Variants in NNT observed in about 807,000 individuals in gnomAD.
NNT encodes NAD(P) transhydrogenase, mitochondrial.
In NNT, 50 loss-of-function variants were observed where a neutral mutation model predicts 104.8. The observed-to-expected ratio is 0.48, with a 90% CI of 0.38 to 0.60. NNT has a LOEUF of 0.60. Among genes scored for constraint, NNT ranks in the 20% least tolerant of loss-of-function variants. NNT has a pLI of 0.00. For missense variants in NNT, 1,131 were observed against 1,330.7 expected, an observed-to-expected ratio of 0.85 and a Z score of 2.33; for synonymous variants, 461 against 490.4, an observed-to-expected ratio of 0.94 and a Z score of 0.79.
intron 2 of NNT, among the ~76,000 whole-genome samples, chr5:43,610,747 A>G (rs1165176232): frequency 6.6e-6 from 1 of 152,206 alleles, no homozygotes; most frequent in Non-Finnish European, 1.5e-5. Flanking sequence ...TTTCTTTTAA[A>G]TTGCTCTGGA....
At chr5:43,698,494 T>A (rs766758541) in intron 19 of NNT, among the ~76,000 whole-genome samples, 1 of 152,116 alleles carries the variant, frequency 6.6e-6, no homozygotes, top group African/African-American at 2.4e-5. Context: ...CAGATCTGGT[T>A]CCTGCCTTGG....
At position 43,612,771 on chromosome 5, in the gene NNT, T is replaced by C. The variant is rs912445345; in HGVS notation, c.152-137T>C. 9 of 622,772 alleles carry C rather than the reference T, an allele frequency of 1.4e-5. No homozygotes were observed. In the Admixed American group the frequency reaches 2.7e-4, roughly 18 times the overall value. The allele number at this position is 622,772 out of a possible 1,614,324, so 38.6% of individuals were successfully genotyped here. A position where few individuals can be genotyped will look rare whatever the true frequency, so the allele number is the denominator to read the frequency against. ...TTATAAGTATGAATCAGGAACATCA[T>C]TCTGAACAGCAGCTTGCATGTGTGG... On this transcript the variant is annotated intron_variant, in intron 2 of 21. Transcript: ENST00000344920.
intron 19 of NNT, among the ~76,000 whole-genome samples, chr5:43,694,421 A>G (rs1742446639): frequency 6.6e-6 from 1 of 152,190 alleles, no homozygotes; most frequent in Non-Finnish European, 1.5e-5. Flanking sequence ...TGGGTTTGTC[A>G]TAGATGGCTC....
In NNT at chr5:43,659,326, T is replaced by C. The variant is rs1300264022; in HGVS notation, c.2610T>C (p.Ala870=). 7.4e-6 allele frequency: 12 copies of C among 1,612,648 alleles called. No individual in the cohort carries two copies. The highest frequency in any genetic ancestry group is 1.0e-5 in the Non-Finnish European group (12 of 1,179,612). ...IVGALIGSSG[A]ILSYIMCVAM... ...GTGCACTCATAGGCTCGTCTGGTGC[T>C]ATCCTGTCATACATCATGTGTGTGG... is the stretch of plus-strand genomic sequence containing the variant. Residue 870 remains alanine, a synonymous_variant, in exon 17 of 22, where the codon GCT becomes GCC. Transcript: ENST00000344920.
intron 15 of NNT, 101 bp from the exon 16 acceptor site, chr5:43,656,551 TA>T: frequency 9.0e-7 from 1 of 1,115,894 alleles, no homozygotes; most frequent in Non-Finnish European, 1.3e-6. Flanking sequence ...AGCATCCTCA[TA>T]ATCCTTGGTT....
At chr5:43,684,597 A>G (rs1002451003) in intron 19 of NNT, among the ~76,000 whole-genome samples, 1 of 151,584 alleles carries the variant, frequency 6.6e-6, no homozygotes, top group Non-Finnish European at 1.5e-5. Context: ...CTTCGGATGG[A>G]TAGACTAGCC....
chr5:43,706,412 GAT>G lies in NNT; in HGVS notation c.*2011_*2012del, dbSNP rs1420576389. 6 of 150,266 alleles carry G rather than the reference GAT, an allele frequency of 4.0e-5. No individual in the cohort carries two copies. The highest frequency in any genetic ancestry group is 5.9e-5 in the Non-Finnish European group (4 of 67,654). The allele number at this position is 150,266 out of a possible 1,614,324, so 9.3% of individuals were successfully genotyped here. A position where few individuals can be genotyped will look rare whatever the true frequency, so the allele number is the denominator to read the frequency against. Reference sequence around the variant, plus strand: ...TTTGTATTATTCACTATATCTTTATGATATTTAAGTATAAATAATTAAAAAAA... The same window carrying G: ...TTTGTATTATTCACTATATCTTTATGATTTAAGTATAAATAATTAAAAAAA... On this transcript the variant is annotated 3_prime_UTR_variant, in exon 22 of 22. Transcript: ENST00000344920.
In NNT at chr5:43,645,571, A is replaced by C. The variant is rs1739349046; in HGVS notation, c.1444+61A>C. ...GTTTGATTTTGCAAGTTATATATATATATATCTATAGATATATGTGTAGCT... is the reference window on the plus strand; with the variant it reads ...GTTTGATTTTGCAAGTTATATATATCTATATCTATAGATATATGTGTAGCT... On this transcript the variant is annotated intron_variant, in intron 10 of 21. Transcript: ENST00000344920. 9 of 1,052,884 alleles carry C rather than the reference A, an allele frequency of 8.5e-6. No homozygotes were observed. The South Asian group carries it at 1.3e-4, about 15-fold the overall frequency. 65.2% of individuals were successfully genotyped at this position (1,052,884 alleles called of 1,614,324 possible).
intron 9 of NNT, 88 bp downstream of exon 9, chr5:43,644,890 G>A: frequency 1.8e-6 from 2 of 1,122,792 alleles, no homozygotes; most frequent in African/African-American, 1.6e-5. Flanking sequence ...TTTTGGAATT[G>A]AGACATATTT....
chr5:43,675,970 TG>T (rs1012725023), intron 18 of NNT, among the ~76,000 whole-genome samples: 3 of 152,230 alleles, frequency 2.0e-5, no homozygotes, highest in Admixed American at 6.5e-5. Flanking sequence ...TGGTAATTTT[TG>T]GGCCCGTTGT....
chr5:43,675,777 A>T (rs957228767), intron 18 of NNT, 107 bp downstream of exon 18: 1 of 804,668 alleles, frequency 1.2e-6, no homozygotes, highest in Admixed American at 3.7e-5. Context: ...TAGTTTTGAA[A>T]ATATAATGGA....
chr5:43,701,619 A>G (rs1398536543), intron 20 of NNT, among the ~76,000 whole-genome samples: 1 of 152,160 alleles, frequency 6.6e-6, no homozygotes, highest in Non-Finnish European at 1.5e-5. Flanking sequence ...TGCTGGGTCA[A>G]GTAGGAGTTC....
intron 17 of NNT, among the ~76,000 whole-genome samples, chr5:43,668,461 G>C (rs568901078): frequency 6.6e-6 from 1 of 152,110 alleles, no homozygotes; most frequent in Non-Finnish European, 1.5e-5. Flanking sequence ...TTTGTATAAG[G>C]TGTAAGGAAG....
At chr5:43,636,584 A>G (rs1561279815) in intron 7 of NNT, among the ~76,000 whole-genome samples, 1 of 152,218 alleles carries the variant, frequency 6.6e-6, no homozygotes, top group Non-Finnish European at 1.5e-5. Flanking sequence ...GTAACAAAAT[A>G]ATAACATCAG....
At chr5:43,607,470 A>G (rs142085372) in intron 1 of NNT, among the ~76,000 whole-genome samples, 6 of 152,104 alleles carry the variant, frequency 3.9e-5, no homozygotes, top group Non-Finnish European at 8.8e-5. Context: ...CCCAAATCCT[A>G]TAAAACTGCC....
chr5:43,609,969 A>T (rs1037821291), intron 2 of NNT, among the ~76,000 whole-genome samples: 1 of 152,158 alleles, frequency 6.6e-6, no homozygotes, highest in African/African-American at 2.4e-5. Context: ...TGCCCCCTAC[A>T]GTCTGTTCTG....
At chr5:43,640,941 CCA>C (rs1751199748) in intron 7 of NNT, among the ~76,000 whole-genome samples, 1 of 150,916 alleles carries the variant, frequency 6.6e-6, no homozygotes, top group Non-Finnish European at 1.5e-5. Context: ...GCTTTTTTAT[CCA>C]CAGACTGGAG....
chr5:43,704,760 A>G lies in NNT; in HGVS notation c.*356A>G, dbSNP rs2112272675. 1 of 201,798 alleles carries G rather than the reference A, an allele frequency of 5.0e-6. No individual in the cohort carries two copies. Among genetic ancestry groups the G allele is most frequent in the South Asian group, 8.2e-5 (1 of 12,212 alleles). The allele number at this position is 201,798 out of a possible 1,614,324, so 12.5% of individuals were successfully genotyped here. A position where few individuals can be genotyped will look rare whatever the true frequency, so the allele number is the denominator to read the frequency against. On this transcript the variant is annotated 3_prime_UTR_variant, in exon 22 of 22. Coordinates refer to ENST00000344920, the MANE Select transcript of NNT (RefSeq NM_182977.3). ...TAAAAAACTAAGTGTTTAGGATTTC[A>G]AGACAACATTATACATGGCTCTGAA...
In NNT at chr5:43,628,377, A is replaced by G; in HGVS notation, c.954A>G (p.Ala318=). Residue 318 remains alanine, a synonymous_variant, in exon 7 of 22, where the codon GCA becomes GCG. Coordinates refer to ENST00000344920, the MANE Select transcript of NNT (RefSeq NM_182977.3). Reference sequence around the variant, plus strand: ...AGGTAGACATCCTTATCAGCACAGCACTTATTCCAGGTATGCCATTAAGTA... The same window carrying G: ...AGGTAGACATCCTTATCAGCACAGCGCTTATTCCAGGTATGCCATTAAGTA... ...CKEVDILIST[A]LIPGKKAPVL... The G allele has an allele frequency of 1.3e-6, 2 of 1,598,318 alleles. No homozygotes were observed. The highest frequency in any genetic ancestry group is 1.7e-6 in the Non-Finnish European group (2 of 1,173,026).
Sources: gnomAD v4.1 joint callset for allele counts (sites outside exome capture counted in the v4.1 genomes callset) on GRCh38, gnomAD v4.1.1 for gene constraint, MANE v1.5 for transcripts, NCBI Gene and HGNC (gene_info 2026-07-23, HGNC 2026-07-21) for gene names.